Variants in TRPM3 observed in about 807,000 individuals in gnomAD.
TRPM3 encodes the protein long transient receptor potential channel 3.
TRPM3 carries 77 observed loss-of-function variants against 181.2 expected under a neutral mutation model. That is an observed-to-expected ratio of 0.42 (90% CI 0.35 to 0.51). The LOEUF (loss-of-function observed/expected upper bound fraction) is 0.51. Ranked by LOEUF, TRPM3 falls within the 20% of genes least tolerant of loss-of-function variation. TRPM3 has a pLI of 0.01. For synonymous variants in TRPM3, 745 were observed against 796.4 expected (o/e 0.94, Z 1.09); for missense variants, 1,759 against 2,196.7 (o/e 0.80, Z 3.98).
chr9:71,361,975 C>T (rs546988310), intron 1 of TRPM3, among the ~76,000 whole-genome samples: 15 of 152,124 alleles, frequency 9.9e-5, no homozygotes, highest in African/African-American at 3.4e-4. Context: ...ATGTTCTAGT[C>T]GAAGCCCCTT....
chr9:70,760,490 T>TGC (rs1445995634), intron 8 of TRPM3, among the ~76,000 whole-genome samples: 1 of 149,856 alleles, frequency 6.7e-6, no homozygotes, highest in East Asian at 2.0e-4. Context: ...CATGACCGTG[T>TGC]GCCCCACCCG....
At chr9:70,927,230 T>C (rs2096729531) in intron 1 of TRPM3, among the ~76,000 whole-genome samples, 1 of 152,244 alleles carries the variant, frequency 6.6e-6, no homozygotes, top group Non-Finnish European at 1.5e-5. Context: ...ATATAGAAGG[T>C]TTGGAGATTA....
intron 9 of TRPM3, among the ~76,000 whole-genome samples, chr9:70,640,886 A>G (rs1440460193): frequency 2.0e-5 from 3 of 152,142 alleles, no homozygotes; most frequent in African/African-American, 7.2e-5. Flanking sequence ...TACATTTTTA[A>G]AAACTTTTTA....
Position 70,625,347 on chromosome 9 carries a change from G to A in TRPM3, c.1669-16C>T. On this transcript the variant is annotated splice_polypyrimidine_tract_variant and intron_variant, in intron 13 of 25. Transcript: ENST00000677713. The surrounding 1 kb of genome is among the most constrained non-coding windows in gnomAD (Gnocchi z 4.8). Reference sequence around the variant, plus strand: ...GCAGGTTCCCCTATCAGGGTAGAATGAAACAAACAGACAAATCCAAAAGAC... The same window carrying A: ...GCAGGTTCCCCTATCAGGGTAGAATAAAACAAACAGACAAATCCAAAAGAC... 1 of 1,613,530 alleles carries A rather than the reference G, an allele frequency of 6.2e-7. No homozygotes were observed. The highest frequency in any genetic ancestry group is 8.5e-7 in the Non-Finnish European group (1 of 1,179,740).
At chr9:70,588,759 C>A (rs1253260211) in intron 22 of TRPM3, among the ~76,000 whole-genome samples, 1 of 152,224 alleles carries the variant, frequency 6.6e-6, no homozygotes, top group Non-Finnish European at 1.5e-5. Context: ...GACTCCAGAG[C>A]AGTTCTGAAT....
intron 1 of TRPM3, among the ~76,000 whole-genome samples, chr9:70,873,464 T>C (rs2095823344): frequency 6.6e-6 from 1 of 152,016 alleles, no homozygotes; most frequent in African/African-American, 2.4e-5. Flanking sequence ...AATTTCTTCA[T>C]TTCTGTACAA....
intron 8 of TRPM3, among the ~76,000 whole-genome samples, chr9:70,752,213 A>G (rs1035395662): frequency 5.9e-5 from 9 of 152,226 alleles, no homozygotes; most frequent in Non-Finnish European, 1.3e-4. Flanking sequence ...TACACTGATT[A>G]GAAAAATAGG....
chr9:71,082,219 G>A (rs1293948530), intron 1 of TRPM3, among the ~76,000 whole-genome samples: 3 of 152,182 alleles, frequency 2.0e-5, no homozygotes, highest in African/African-American at 7.2e-5. Flanking sequence ...TTCCTTGGTA[G>A]TTACTGAAGG....
chr9:70,605,707 C>G (rs979918331), intron 19 of TRPM3, among the ~76,000 whole-genome samples: 1 of 152,146 alleles, frequency 6.6e-6, no homozygotes, highest in African/African-American at 2.4e-5. Flanking sequence ...GTGGTTAAAA[C>G]TCTAAAATAT....
chr9:70,847,300 T>C (rs1024405107), intron 3 of TRPM3, among the ~76,000 whole-genome samples: 2 of 152,186 alleles, frequency 1.3e-5, no homozygotes, highest in South Asian at 4.1e-4. Flanking sequence ...TATAACCATA[T>C]ATATAGATAC....
chr9:70,999,012 C>G (rs1219065417), intron 1 of TRPM3, among the ~76,000 whole-genome samples: 4 of 152,184 alleles, frequency 2.6e-5, no homozygotes, highest in Admixed American at 2.6e-4. Flanking sequence ...CCCCCTATTT[C>G]TGCTTAGCTG....
chr9:70,540,084 C>T (rs548689313), intron 25 of TRPM3, among the ~76,000 whole-genome samples: 155 of 152,254 alleles, frequency 1.0e-3, no homozygotes, highest in African/African-American at 3.5e-3. Flanking sequence ...ACAATCCTCC[C>T]GCCTCGGCCT....
intron 1 of TRPM3, among the ~76,000 whole-genome samples, chr9:70,950,744 C>T (rs561142600): frequency 3.3e-5 from 5 of 152,122 alleles, no homozygotes; most frequent in East Asian, 1.9e-4. Flanking sequence ...AAATCTCATC[C>T]GACTTCTTCA....
intron 1 of TRPM3, among the ~76,000 whole-genome samples, chr9:71,041,055 T>G (rs372229209): frequency 4.6e-5 from 7 of 152,316 alleles, no homozygotes; most frequent in South Asian, 2.1e-4. Flanking sequence ...GATTACATAA[T>G]ATTGTATTCA....
At chr9:70,938,248 A>G (rs781526808) in intron 1 of TRPM3, among the ~76,000 whole-genome samples, 13 of 152,300 alleles carry the variant, frequency 8.5e-5, no homozygotes, top group Admixed American at 1.3e-4. Context: ...AACAGAGTCA[A>G]ACCACGTAGA....
chr9:71,441,596 A>G (rs2094136922), intron 1 of TRPM3, among the ~76,000 whole-genome samples: 1 of 146,894 alleles, frequency 6.8e-6, no homozygotes, highest in Non-Finnish European at 1.5e-5. Flanking sequence ...TTGGGAGATG[A>G]GTTTTTCTGA....
intron 1 of TRPM3, among the ~76,000 whole-genome samples, chr9:71,064,766 G>A (rs566235152): frequency 2.3e-4 from 35 of 152,170 alleles, no homozygotes; most frequent in Admixed American, 1.2e-3. Context: ...TTGCTTTAAT[G>A]TTTCTGTTGT....
chr9:71,090,016 G>A (rs1019162719), intron 1 of TRPM3, among the ~76,000 whole-genome samples: 5 of 152,090 alleles, frequency 3.3e-5, no homozygotes, highest in East Asian at 3.9e-4. Context: ...ATTTGCATTC[G>A]GCCACATTCA....
intron 6 of TRPM3, chr9:70,793,684 G>A (rs183466639): frequency 2.1e-6 from 1 of 469,764 alleles, no homozygotes; most frequent in Non-Finnish European, 4.4e-6. Context: ...GAGCTGTTTT[G>A]TAACTATGAA....
Sources: gnomAD v4.1 joint callset for allele counts (sites outside exome capture counted in the v4.1 genomes callset) on GRCh38, gnomAD v4.1.1 for gene constraint, Gnocchi (gnomAD v3.1) non-coding constraint, MANE v1.5 for transcripts, NCBI Gene and HGNC (gene_info 2026-07-23, HGNC 2026-07-21) for gene names.